Variants in NRG1 observed in about 807,000 individuals in gnomAD.
NRG1 encodes the protein neuregulin 1.
A neutral mutation model predicts 63.8 loss-of-function variants in NRG1; 18 were observed. The ratio of observed to expected loss-of-function variants is 0.28; its 90% confidence interval spans 0.19 to 0.42. The LOEUF (loss-of-function observed/expected upper bound fraction) is 0.42. Ranked by LOEUF, NRG1 falls within the 10% of genes least tolerant of loss-of-function variation. The pLI is 1.00. For synonymous variants in NRG1, 302 were observed against 301.3 expected (o/e 1.00, Z -0.02); for missense variants, 762 against 814.7 (o/e 0.94, Z 0.79).
intron 1 of NRG1, among the ~76,000 whole-genome samples, chr8:32,135,063 G>A (rs1212666741): frequency 6.6e-6 from 1 of 152,078 alleles, no homozygotes; most frequent in East Asian, 1.9e-4. Context: ...TACCTAACAT[G>A]GTGATGCTAA....
chr8:31,851,410 A>C (rs1446225319), intron 1 of NRG1, among the ~76,000 whole-genome samples: 1 of 152,176 alleles, frequency 6.6e-6, no homozygotes, highest in African/African-American at 2.4e-5. Flanking sequence ...TGAAAGGCAG[A>C]GTGTCCTGAA....
chr8:32,557,658 A>T (rs1446301246), intron 1 of NRG1, among the ~76,000 whole-genome samples: 1 of 152,004 alleles, frequency 6.6e-6, no homozygotes, highest in Non-Finnish European at 1.5e-5. Flanking sequence ...TATGATTATA[A>T]TTTTTTTTAG....
intron 1 of NRG1, among the ~76,000 whole-genome samples, chr8:32,327,506 C>A (rs1310779952): frequency 6.6e-6 from 1 of 152,198 alleles, no homozygotes; most frequent in Non-Finnish European, 1.5e-5. Flanking sequence ...GAGATCCTGA[C>A]ACTTAGTATC....
At chr8:32,148,962 A>G (rs1369120134) in intron 1 of NRG1, among the ~76,000 whole-genome samples, 1 of 152,200 alleles carries the variant, frequency 6.6e-6, no homozygotes. Context: ...GGCATCTATC[A>G]TCCAGGACCT....
intron 1 of NRG1, among the ~76,000 whole-genome samples, chr8:32,535,177 G>A (rs1316426643): frequency 6.6e-6 from 1 of 152,162 alleles, no homozygotes; most frequent in African/African-American, 2.4e-5. Flanking sequence ...TGGGTTATTT[G>A]TACAGATCAA....
intron 1 of NRG1, among the ~76,000 whole-genome samples, chr8:32,119,354 A>G (rs1351071433): frequency 6.6e-6 from 1 of 152,112 alleles, no homozygotes; most frequent in Non-Finnish European, 1.5e-5. Context: ...ACCTAATTCC[A>G]TAGCCTGGGT....
At chr8:32,079,356 C>CAAAAAA (rs1389253114) in intron 1 of NRG1, among the ~76,000 whole-genome samples, 3 of 152,052 alleles carry the variant, frequency 2.0e-5, no homozygotes, top group Non-Finnish European at 4.4e-5. Context: ...ATTAACTGAA[C>CAAAAAA]AAAAGCAATG....
Position 32,497,834 on chromosome 8 carries a change from T to C in NRG1, c.38-97994T>C, listed in dbSNP as rs1187866035. 7.9e-5 allele frequency among the ~76,000 whole-genome samples: 12 copies of C among 152,336 alleles called. No individual in the cohort carries two copies. In the South Asian group the frequency reaches 1.0e-3, roughly 13 times the overall value. ...TATTTTATTTTATTTTATTTACTTA[T>C]TTTTTTGAGACAGAGTTTCACTCTT... is the stretch of plus-strand genomic sequence containing the variant. On this transcript the variant is annotated intron_variant, in intron 1 of 10. Transcript: ENST00000519301.
intron 1 of NRG1, among the ~76,000 whole-genome samples, chr8:31,739,483 T>A (rs1815044152): frequency 6.6e-6 from 1 of 152,056 alleles, no homozygotes; most frequent in East Asian, 1.9e-4. Context: ...TTTTTGATGG[T>A]AAGGGTCTAG....
chr8:31,933,395 C>G (rs145562736), intron 1 of NRG1, among the ~76,000 whole-genome samples: 4 of 152,108 alleles, frequency 2.6e-5, no homozygotes, highest in Admixed American at 1.3e-4. Flanking sequence ...ACTCTCCTGC[C>G]TCAGCCTCCC....
Position 31,661,050 on chromosome 8 carries a change from C to T in NRG1, c.37+21619C>T, listed in dbSNP as rs536808472. Among the ~76,000 whole-genome samples, 134 of 152,256 alleles carry T rather than the reference C, an allele frequency of 8.8e-4. 2 individuals are homozygous for T. Among genetic ancestry groups the T allele is most frequent in the Non-Finnish European group, 1.4e-3 (96 of 68,008 alleles). On this transcript the variant is annotated intron_variant, in intron 1 of 10. Coordinates refer to the NRG1 transcript ENST00000519301. ...TAAGATTCTTGTTCTTGTTGTAATGCTGTTATGGTGATGATTTAGTATTTC... is the reference window on the plus strand; with the variant it reads ...TAAGATTCTTGTTCTTGTTGTAATGTTGTTATGGTGATGATTTAGTATTTC...
intron 1 of NRG1, among the ~76,000 whole-genome samples, chr8:32,194,445 C>T (rs571760186): frequency 2.0e-5 from 3 of 151,970 alleles, no homozygotes; most frequent in Admixed American, 6.6e-5. Context: ...GATGATTCAG[C>T]TCTCATCTCT....
intron 1 of NRG1, among the ~76,000 whole-genome samples, chr8:32,469,096 T>A (rs1823447887): frequency 6.6e-6 from 1 of 152,150 alleles, no homozygotes; most frequent in South Asian, 2.1e-4. Context: ...GGAGGTGATG[T>A]GGAAGTCTGA....
chr8:32,315,207 C>A lies in NRG1; in HGVS notation c.38-280621C>A, dbSNP rs79013360. 2.8e-3 allele frequency among the ~76,000 whole-genome samples: 424 copies of A among 152,290 alleles called. 2 individuals are homozygous for A. The highest frequency in any genetic ancestry group is 9.9e-3 in the African/African-American group (413 of 41,548). ...TCACCTAGATATTAAGCCCCACACG[C>A]ATTAGCTGTTTGTCATAGTGCTCTC... On this transcript the variant is annotated intron_variant, in intron 1 of 10. Coordinates refer to the NRG1 transcript ENST00000519301.
chr8:31,831,338 A>G (rs2129605851), intron 1 of NRG1, among the ~76,000 whole-genome samples: 1 of 152,214 alleles, frequency 6.6e-6, no homozygotes, highest in South Asian at 2.1e-4. Flanking sequence ...TTTGGCCTCA[A>G]GTGATCTGCC....
intron 1 of NRG1, among the ~76,000 whole-genome samples, chr8:32,353,043 G>A (rs1453184048): frequency 6.7e-6 from 1 of 150,266 alleles, no homozygotes; most frequent in African/African-American, 2.4e-5. Flanking sequence ...TTTAAAAAAA[G>A]AATGAATTTT....
chr8:32,573,475 A>G (rs1286274253), intron 1 of NRG1, among the ~76,000 whole-genome samples: 1 of 152,186 alleles, frequency 6.6e-6, no homozygotes, highest in Non-Finnish European at 1.5e-5. Context: ...TATTATCCCA[A>G]TATCCTGACA....
At chr8:32,438,465 G>A (rs902195475) in intron 1 of NRG1, among the ~76,000 whole-genome samples, 1 of 152,082 alleles carries the variant, frequency 6.6e-6, no homozygotes, top group Non-Finnish European at 1.5e-5. Flanking sequence ...AGTTTGGGGA[G>A]ATTATAAATA....
intron 1 of NRG1, among the ~76,000 whole-genome samples, chr8:32,457,837 G>T (rs959163053): frequency 3.3e-5 from 5 of 152,078 alleles, no homozygotes; most frequent in Admixed American, 1.3e-4. Flanking sequence ...ACATGCTTAT[G>T]GTTACTTAAT....
Sources: gnomAD v4.1 joint callset for allele counts (sites outside exome capture counted in the v4.1 genomes callset) on GRCh38, gnomAD v4.1.1 for gene constraint, MANE v1.5 for transcripts, NCBI Gene and HGNC (gene_info 2026-07-23, HGNC 2026-07-21) for gene names.